Variants in BAZ2B observed in about 807,000 individuals in gnomAD.
The protein encoded by BAZ2B is bromodomain adjacent to zinc finger domain protein 2B.
A neutral mutation model predicts 246.0 loss-of-function variants in BAZ2B; 91 were observed. That is an observed-to-expected ratio of 0.37 (90% CI 0.31 to 0.44). The LOEUF (loss-of-function observed/expected upper bound fraction) is 0.44, where lower values mean the gene tolerates loss of function less well. BAZ2B is among the 20% of genes least tolerant of loss of function. BAZ2B has a pLI of 1.00. For synonymous variants in BAZ2B, 855 were observed against 860.0 expected, an observed-to-expected ratio of 0.99 and a Z score of 0.10; for missense variants, 2,332 against 2,533.7, an observed-to-expected ratio of 0.92 and a Z score of 1.71.
chr2:159,632,800 C>T, the BAZ2B span, among the ~76,000 whole-genome samples: 2 of 152,156 alleles, frequency 1.3e-5, no homozygotes, highest in Non-Finnish European at 2.9e-5. Context: ...TATTAAAAAT[C>T]TAGCAAGAAG....
chr2:159,398,656 A>G (rs866108720), intron 18 of BAZ2B, among the ~76,000 whole-genome samples, 173 bp downstream of exon 18: 6 of 152,368 alleles, frequency 3.9e-5, no homozygotes, highest in African/African-American at 1.4e-4. Context: ...AAATAAAAAT[A>G]CACATACAAT....
At chr2:159,327,852 G>A (rs570959803) in intron 34 of BAZ2B, among the ~76,000 whole-genome samples, 6 of 152,246 alleles carry the variant, frequency 3.9e-5, no homozygotes, top group African/African-American at 1.4e-4. Flanking sequence ...ATCGCCTGAG[G>A]TCAGGAGTTT....
chr2:159,632,060 C>T, the BAZ2B span, among the ~76,000 whole-genome samples: 1 of 152,112 alleles, frequency 6.6e-6, no homozygotes, highest in Non-Finnish European at 1.5e-5. Flanking sequence ...TTACCATTCT[C>T]CTTATCTGGT....
chr2:159,591,801 A>T (rs2151704754), intron 1 of BAZ2B, among the ~76,000 whole-genome samples: 1 of 152,340 alleles, frequency 6.6e-6, no homozygotes, highest in African/African-American at 2.4e-5. Flanking sequence ...ATGCTTTTTT[A>T]AAAATATTCT....
intron 27 of BAZ2B, among the ~76,000 whole-genome samples, chr2:159,363,211 T>C (rs575785959): frequency 3.9e-5 from 6 of 152,310 alleles, no homozygotes; most frequent in South Asian, 2.1e-4. Context: ...GCTTCTAAAC[T>C]GGATGCTTGG....
chr2:159,432,418 G>C (rs953557917), intron 9 of BAZ2B, among the ~76,000 whole-genome samples: 3 of 152,176 alleles, frequency 2.0e-5, no homozygotes, highest in Non-Finnish European at 4.4e-5. Flanking sequence ...AACAGCTGGT[G>C]ATGCATTTTA....
chr2:159,345,071 T>G (rs2067536336), intron 31 of BAZ2B, among the ~76,000 whole-genome samples: 1 of 151,530 alleles, frequency 6.6e-6, no homozygotes, highest in Non-Finnish European at 1.5e-5. Context: ...TTAGCTGGGC[T>G]TGGTGGGGCA....
At chr2:159,595,534 A>T (rs185363481) in intron 1 of BAZ2B, among the ~76,000 whole-genome samples, 1 of 152,352 alleles carries the variant, frequency 6.6e-6, no homozygotes, top group African/African-American at 2.4e-5. Context: ...GAATTCTACT[A>T]GTCTGCTAAA....
At chr2:159,382,879 G>A in intron 24 of BAZ2B, 77 bp from the exon 25 acceptor site, 6 of 1,518,354 alleles carry the variant, frequency 4.0e-6, no homozygotes, top group Admixed American at 2.1e-5. Context: ...AACATGAGTT[G>A]TATGCAAAAA....
At chr2:159,699,160 G>A in the BAZ2B span, among the ~76,000 whole-genome samples, 1 of 152,138 alleles carries the variant, frequency 6.6e-6, no homozygotes, top group Non-Finnish European at 1.5e-5. Flanking sequence ...AATCTCCCTT[G>A]TAAAACTGTG....
At chr2:159,673,511 C>A in the BAZ2B span, among the ~76,000 whole-genome samples, 1 of 152,014 alleles carries the variant, frequency 6.6e-6, no homozygotes, top group East Asian at 1.9e-4. Flanking sequence ...TGGAATTTAC[C>A]CTGAATATAC....
chr2:159,495,172 G>A (rs917315933), intron 2 of BAZ2B, among the ~76,000 whole-genome samples: 3 of 152,032 alleles, frequency 2.0e-5, no homozygotes, highest in African/African-American at 7.2e-5. Context: ...ATTTTCTCAT[G>A]CTCCAAAAAA....
At chr2:159,668,084 T>TAGAG in the BAZ2B span, among the ~76,000 whole-genome samples, 22 of 152,146 alleles carry the variant, frequency 1.4e-4, no homozygotes, top group Non-Finnish European at 2.5e-4. Context: ...GTTTAACGGG[T>TAGAG]AGAGATTGTA....
At chr2:159,337,840 C>G (rs905132789) in intron 31 of BAZ2B, 68 bp from the exon 32 acceptor site, 80 of 1,439,080 alleles carry the variant, frequency 5.6e-5, no homozygotes, top group Non-Finnish European at 7.4e-5. Context: ...ATTACCTTTA[C>G]TTAAAATACA....
chr2:159,627,636 T>C, the BAZ2B span, among the ~76,000 whole-genome samples: 9 of 152,084 alleles, frequency 5.9e-5, no homozygotes, highest in Non-Finnish European at 1.3e-4. Context: ...TGCTAAAAAC[T>C]CTCAATGAAC....
chr2:159,642,238 C>CTTT, the BAZ2B span, among the ~76,000 whole-genome samples: 105 of 131,718 alleles, frequency 8.0e-4, no homozygotes, highest in African/African-American at 2.0e-3. Flanking sequence ...TTCTTTCTTT[C>CTTT]TTTTTTTTTT....
At chr2:159,599,225 G>C (rs1344516981) in intron 1 of BAZ2B, among the ~76,000 whole-genome samples, 1 of 152,082 alleles carries the variant, frequency 6.6e-6, no homozygotes, top group Admixed American at 6.6e-5. Flanking sequence ...TTGACTTTAC[G>C]AGCCCTCCCT....
chr2:159,638,723 TA>T, the BAZ2B span, among the ~76,000 whole-genome samples: 3 of 143,714 alleles, frequency 2.1e-5, no homozygotes, highest in Admixed American at 2.1e-4. Flanking sequence ...AGAAAAAAAA[TA>T]AAAATACAAT....
the BAZ2B span, among the ~76,000 whole-genome samples, chr2:159,650,321 T>C: frequency 2.6e-5 from 4 of 152,244 alleles, no homozygotes; most frequent in African/African-American, 9.6e-5. Context: ...CTGGGCTTTT[T>C]TTCTGGGTTG....
Sources: allele counts gnomAD v4.1 joint callset (sites outside exome capture counted in the v4.1 genomes callset), GRCh38; gene constraint gnomAD v4.1.1; transcripts MANE v1.5; gene names NCBI Gene and HGNC (gene_info 2026-07-23, HGNC 2026-07-21).